B4GALT1: variants seen among roughly 807,000 people sequenced by gnomAD.
The protein encoded by B4GALT1 is beta-1,4-galactosyltransferase 1, also known as N-acetyllactosamine synthase.
Under a neutral mutation model 34.9 loss-of-function variants are expected in B4GALT1, and 16 were observed. The ratio of observed to expected loss-of-function variants is 0.46; its 90% confidence interval spans 0.31 to 0.70. The LOEUF (loss-of-function observed/expected upper bound fraction) is 0.70. Ranked by LOEUF, B4GALT1 falls within the 30% of genes least tolerant of loss-of-function variation. The probability of loss-of-function intolerance (pLI) is 0.05; values close to 1 mark genes in which losing one functional copy is unlikely to be tolerated. For missense variants in B4GALT1, 445 were observed against 530.5 expected, an observed-to-expected ratio of 0.84 and a Z score of 1.58; for synonymous variants, 221 against 218.1, an observed-to-expected ratio of 1.01 and a Z score of -0.12.
At chr9:33,140,695 CT>C in intron 1 of B4GALT1, among the ~76,000 whole-genome samples, 1 of 152,228 alleles carries the variant, frequency 6.6e-6, no homozygotes, top group Non-Finnish European at 1.5e-5. Flanking sequence ...TGCACAGCCC[CT>C]CTTCACAAAT....
chr9:33,146,893 G>A (rs545327260), intron 1 of B4GALT1, among the ~76,000 whole-genome samples: 1 of 152,086 alleles, frequency 6.6e-6, no homozygotes, highest in Non-Finnish European at 1.5e-5. Flanking sequence ...TAAAGACGGG[G>A]TTTCGCCATG....
intron 3 of B4GALT1, among the ~76,000 whole-genome samples, chr9:33,119,155 C>T (rs1839984583): frequency 6.6e-6 from 1 of 152,198 alleles, no homozygotes; most frequent in African/African-American, 2.4e-5. Context: ...AGCCACTGCA[C>T]CTGGCCACTG....
chr9:33,127,300 C>T (rs903332735), intron 2 of B4GALT1, among the ~76,000 whole-genome samples: 6 of 152,300 alleles, frequency 3.9e-5, no homozygotes, highest in African/African-American at 9.6e-5. Flanking sequence ...AAGGAGCCAG[C>T]GCAGGATGCC....
chr9:33,172,970 G>A, the B4GALT1 span, among the ~76,000 whole-genome samples: 2 of 152,120 alleles, frequency 1.3e-5, no homozygotes, highest in African/African-American at 4.8e-5. Flanking sequence ...CCAGCAAAGA[G>A]GGTCAAAGCC....
At chr9:33,179,130 C>A in the B4GALT1 span, among the ~76,000 whole-genome samples, 7 of 152,248 alleles carry the variant, frequency 4.6e-5, no homozygotes, top group Non-Finnish European at 7.3e-5. Context: ...GCCAACCCAA[C>A]ATTATCATAT....
At chr9:33,121,648 G>A (rs890776625) in intron 2 of B4GALT1, among the ~76,000 whole-genome samples, 11 of 151,842 alleles carry the variant, frequency 7.2e-5, no homozygotes, top group Admixed American at 5.3e-4. Context: ...AGGATTACAT[G>A]TATGTTTTAT....
At chr9:33,150,651 G>C (rs1314589261) in intron 1 of B4GALT1, among the ~76,000 whole-genome samples, 2 of 152,148 alleles carry the variant, frequency 1.3e-5, no homozygotes, top group Non-Finnish European at 2.9e-5. Flanking sequence ...TATCCTGATT[G>C]TGGTGGTAGA....
At chr9:33,138,516 G>A (rs1840303256) in intron 1 of B4GALT1, among the ~76,000 whole-genome samples, 1 of 152,102 alleles carries the variant, frequency 6.6e-6, no homozygotes, top group Admixed American at 6.6e-5. Context: ...AGACGTGAGT[G>A]TCCAGCATAG....
chr9:33,173,299 G>A, the B4GALT1 span, among the ~76,000 whole-genome samples: 27 of 152,086 alleles, frequency 1.8e-4, no homozygotes, highest in Non-Finnish European at 5.9e-5. Flanking sequence ...CAGCTACTCG[G>A]GAGGCTGAGG....
chr9:33,166,766 G>T lies in B4GALT1; in HGVS notation c.404C>A (p.Pro135Gln), dbSNP rs751236905. Reference protein sequence around the residue: ...LSLPACPEESPLLVGPMLIEF... With the variant: ...LSLPACPEESQLLVGPMLIEF... ...CCGACCCGAGTCCTTACCAAGCAGC[G>T]GGGACTCCTCAGGGCAGGCGGGCAG... The change falls in exon 1 of 6, where the codon CCG (proline) becomes CAG (glutamine). Residue 135 changes from proline (P) to glutamine (Q), a missense_variant. By Grantham distance (76) the Pro-to-Gln change is moderately conservative. Coordinates refer to ENST00000379731, the MANE Select transcript of B4GALT1 (RefSeq NM_001497.4). The T allele has an allele frequency of 1.3e-6, 2 of 1,508,502 alleles. No homozygotes were observed. The highest frequency in any genetic ancestry group is 1.3e-5 in the South Asian group (1 of 77,066). 93.4% of individuals were successfully genotyped at this position (1,508,502 alleles called of 1,614,324 possible).
At chr9:33,167,895 C>A (rs1185643305), upstream of B4GALT1, among the ~76,000 whole-genome samples, 1 of 152,202 alleles carries the variant, frequency 6.6e-6, no homozygotes, top group African/African-American at 2.4e-5. Context: ...CCGGCTGGAC[C>A]CCGCTGCTTA....
chr9:33,132,126 A>G (rs749282659), intron 2 of B4GALT1, among the ~76,000 whole-genome samples: 4 of 152,048 alleles, frequency 2.6e-5, no homozygotes, highest in Non-Finnish European at 2.9e-5. Flanking sequence ...GGAAAAGCAA[A>G]GAAAAAAAAA....
Position 33,137,327 on chromosome 9 carries a change from T to A in B4GALT1, c.413-1903A>T, listed in dbSNP as rs1485707925. On this transcript the variant is annotated intron_variant, in intron 1 of 5. Transcript: ENST00000379731. ...TTTCGCATTGAGAGATAGGCCTCAATCAAGCTTGATCCTTTTACTCTCTGC... is the reference window on the plus strand; with the variant it reads ...TTTCGCATTGAGAGATAGGCCTCAAACAAGCTTGATCCTTTTACTCTCTGC... Among the ~76,000 whole-genome samples the A allele has an allele frequency of 2.0e-5, 3 of 152,214 alleles. No homozygotes were observed. The East Asian group carries it at 5.8e-4, about 29-fold the overall frequency.
chr9:33,132,136 A>AG (rs1022930692), intron 2 of B4GALT1, among the ~76,000 whole-genome samples: 12 of 151,820 alleles, frequency 7.9e-5, no homozygotes, highest in Admixed American at 3.3e-4. Context: ...AGAAAAAAAA[A>AG]AGATGATATT....
At chr9:33,184,641 G>A in the B4GALT1 span, among the ~76,000 whole-genome samples, 1 of 152,194 alleles carries the variant, frequency 6.6e-6, no homozygotes, top group African/African-American at 2.4e-5. Flanking sequence ...CTCTGTTCAA[G>A]TAGTTAGGAA....
chr9:33,163,692 T>C (rs1412650731), intron 1 of B4GALT1, among the ~76,000 whole-genome samples: 1 of 152,224 alleles, frequency 6.6e-6, no homozygotes, highest in Non-Finnish European at 1.5e-5. Flanking sequence ...AAGGCCACTG[T>C]TCCTCCCATC....
intron 2 of B4GALT1, among the ~76,000 whole-genome samples, chr9:33,123,108 T>A (rs6476400): frequency 0.37 from 56,336 of 151,584 alleles, 11,165 homozygotes; most frequent in East Asian, 0.6. Flanking sequence ...CGAAAGCCCG[T>A]CTCTACTAAA....
intron 2 of B4GALT1, among the ~76,000 whole-genome samples, chr9:33,124,057 G>A (rs994538127): frequency 1.3e-5 from 2 of 152,226 alleles, no homozygotes; most frequent in African/African-American, 2.4e-5. Context: ...ATCAGGGGCC[G>A]TGGGTACACC....
rs931049748 is a variant in B4GALT1 at position 33,141,122 on chromosome 9, T to C, written c.413-5698A>G. ...CACCACATCCATTCATATTCAAACA[T>C]GTACCCAGTTAGTATGTATCATGTG... On this transcript the variant is annotated intron_variant, in intron 1 of 5. Coordinates refer to ENST00000379731, the MANE Select transcript of B4GALT1 (RefSeq NM_001497.4). Among the ~76,000 whole-genome samples the C allele has an allele frequency of 2.0e-5, 3 of 152,246 alleles. No individual in the cohort carries two copies. In the South Asian group the frequency reaches 6.2e-4, roughly 32 times the overall value.
Sources: allele counts gnomAD v4.1 joint callset (sites outside exome capture counted in the v4.1 genomes callset), GRCh38; gene constraint gnomAD v4.1.1; transcripts MANE v1.5; gene names NCBI Gene and HGNC (gene_info 2026-07-23, HGNC 2026-07-21).